Variants in NAALADL2 observed in about 807,000 individuals in gnomAD.
NAALADL2 encodes the protein N-acetylated alpha-linked acidic dipeptidase like 2.
In NAALADL2, 76 loss-of-function variants were observed where a neutral mutation model predicts 87.2. The ratio of observed to expected loss-of-function variants is 0.87; its 90% CI spans 0.72 to 1.05. The LOEUF (loss-of-function observed/expected upper bound fraction) is 1.05, where lower values mean the gene tolerates loss of function less well. Among genes scored for constraint, NAALADL2 ranks in the 50% least tolerant of loss-of-function variants. The pLI is 0.00. For synonymous variants in NAALADL2, 354 were observed against 331.0 expected, an observed-to-expected ratio of 1.07 and a Z score of -0.75; for missense variants, 1,089 against 945.8, an observed-to-expected ratio of 1.15 and a Z score of -1.99.
At chr3:174,571,114 T>C (rs998579140) in intron 2 of NAALADL2, among the ~76,000 whole-genome samples, 10 of 152,170 alleles carry the variant, frequency 6.6e-5, no homozygotes, top group Non-Finnish European at 2.9e-5. Flanking sequence ...TGCTAGTCTG[T>C]AGACATCTCT....
At chr3:174,807,565 G>C (rs185129402) in intron 3 of NAALADL2, among the ~76,000 whole-genome samples, 1 of 152,114 alleles carries the variant, frequency 6.6e-6, no homozygotes, top group African/African-American at 2.4e-5. Context: ...AATAGCTTCA[G>C]CACGTCTTCC....
intron 10 of NAALADL2, among the ~76,000 whole-genome samples, chr3:175,593,501 A>G (rs989107816): frequency 3.9e-5 from 6 of 152,176 alleles, no homozygotes; most frequent in East Asian, 1.9e-4. Context: ...AAGTCCCACA[A>G]ACTGAGTGAC....
intron 2 of NAALADL2, among the ~76,000 whole-genome samples, chr3:174,593,593 T>C (rs1418265801): frequency 6.6e-6 from 1 of 152,182 alleles, no homozygotes. Context: ...ATATAGTAAG[T>C]AATGCTTCTT....
intron 1 of NAALADL2, among the ~76,000 whole-genome samples, chr3:174,462,302 G>A (rs2108293982): frequency 6.6e-6 from 1 of 152,134 alleles, no homozygotes; most frequent in Non-Finnish European, 1.5e-5. Context: ...GCTTCATTGT[G>A]TATAATGATG....
intron 1 of NAALADL2, among the ~76,000 whole-genome samples, chr3:175,022,863 T>G (rs1751738224): frequency 6.6e-6 from 1 of 152,092 alleles, no homozygotes; most frequent in Non-Finnish European, 1.5e-5. Context: ...ATTTGTGAAG[T>G]GTCTACCTAA....
intron 11 of NAALADL2, among the ~76,000 whole-genome samples, chr3:175,726,455 A>C (rs1283318926): frequency 6.6e-6 from 1 of 152,102 alleles, no homozygotes; most frequent in Admixed American, 6.6e-5. Context: ...AGCAATGCCC[A>C]ATTGGTAGCT....
intron 1 of NAALADL2, among the ~76,000 whole-genome samples, chr3:174,515,754 G>T (rs535336393): frequency 9.8e-4 from 149 of 151,628 alleles, no homozygotes; most frequent in African/African-American, 3.3e-3. Context: ...TTGAATCATG[G>T]AATTATGTTT....
chr3:175,335,828 T>C (rs573607040), intron 5 of NAALADL2, among the ~76,000 whole-genome samples: 1 of 152,336 alleles, frequency 6.6e-6, no homozygotes, highest in African/African-American at 2.4e-5. Flanking sequence ...TTATGTTTTT[T>C]TGAGAGCAAA....
At chr3:175,032,514 A>G (rs984725640) in intron 1 of NAALADL2, among the ~76,000 whole-genome samples, 2 of 152,032 alleles carry the variant, frequency 1.3e-5, no homozygotes, top group Admixed American at 1.3e-4. Flanking sequence ...CACAAGCATT[A>G]CCTATATAGA....
chr3:175,746,579 A>G (rs1220402353), intron 12 of NAALADL2, among the ~76,000 whole-genome samples: 6 of 152,150 alleles, frequency 3.9e-5, no homozygotes, highest in African/African-American at 1.4e-4. Flanking sequence ...GCCTGACTAA[A>G]ATCCAGACAG....
chr3:175,078,410 T>TA (rs111264320), intron 1 of NAALADL2, among the ~76,000 whole-genome samples: 4,210 of 152,282 alleles, frequency 0.028, 179 homozygotes, highest in African/African-American at 0.097. Context: ...GTAATAATTT[T>TA]AAAAAATTAT....
chr3:174,597,081 T>C (rs1472464202), intron 2 of NAALADL2, among the ~76,000 whole-genome samples: 2 of 152,172 alleles, frequency 1.3e-5, no homozygotes, highest in Non-Finnish European at 2.9e-5. Flanking sequence ...CTCTACATAG[T>C]GGTGTTTTAT....
intron 11 of NAALADL2, among the ~76,000 whole-genome samples, chr3:175,698,757 C>T (rs1304624082): frequency 6.6e-6 from 1 of 151,576 alleles, no homozygotes; most frequent in Non-Finnish European, 1.5e-5. Flanking sequence ...ATACAATTAC[C>T]TCCAGCTTTA....
At chr3:175,153,480 A>G (rs993546155) in intron 2 of NAALADL2, among the ~76,000 whole-genome samples, 1 of 152,292 alleles carries the variant, frequency 6.6e-6, no homozygotes, top group Admixed American at 6.5e-5. Flanking sequence ...ACAGTTTTTT[A>G]GTTCACATAT....
chr3:174,696,581 G>A (rs1201779486), intron 2 of NAALADL2, among the ~76,000 whole-genome samples: 1 of 132,264 alleles, frequency 7.6e-6, no homozygotes, highest in Non-Finnish European at 1.6e-5. Context: ...GGGTCAGGCA[G>A]GTGTAGTTAT....
intron 2 of NAALADL2, among the ~76,000 whole-genome samples, chr3:174,606,420 G>GA (rs34869482): frequency 6.6e-6 from 1 of 152,026 alleles, no homozygotes; most frequent in Non-Finnish European, 1.5e-5. Context: ...TAAAAACTTT[G>GA]AAAAAAATTT....
chr3:174,957,199 C>G (rs913467876), intron 1 of NAALADL2, among the ~76,000 whole-genome samples: 4 of 152,000 alleles, frequency 2.6e-5, no homozygotes, highest in South Asian at 4.1e-4. Context: ...AAAGCAATCC[C>G]GAGACTTCCT....
intron 1 of NAALADL2, among the ~76,000 whole-genome samples, chr3:174,538,800 G>A (rs769255659): frequency 6.6e-5 from 10 of 152,010 alleles, no homozygotes; most frequent in Non-Finnish European, 1.5e-4. Flanking sequence ...TACCAATCAG[G>A]AAATCTTTGA....
chr3:175,258,313 G>C lies in NAALADL2; in HGVS notation c.939+1783G>C, dbSNP rs13095232. On this transcript the variant is annotated intron_variant, in intron 4 of 13. Coordinates refer to ENST00000454872, the MANE Select transcript of NAALADL2 (RefSeq NM_207015.3). ...ACAGAGGGCGAGACTCCGTCCCTCC[G>C]CCCCCACCACCAAAAAAAAAAAAAA... 1.7e-4 allele frequency among the ~76,000 whole-genome samples: 17 copies of C among 102,954 alleles called. No individual in the cohort carries two copies. In the South Asian group the frequency reaches 2.0e-3, roughly 12 times the overall value. The allele number at this position is 102,954 out of a possible 152,430, so 67.5% of individuals were successfully genotyped here. A position where few individuals can be genotyped will look rare whatever the true frequency, so the allele number is the denominator to read the frequency against.
Sources: allele counts gnomAD v4.1 joint callset (sites outside exome capture counted in the v4.1 genomes callset), GRCh38; gene constraint gnomAD v4.1.1; transcripts MANE v1.5; gene names NCBI Gene and HGNC (gene_info 2026-07-23, HGNC 2026-07-21).